The following PKHD1L1 variants were observed in gnomAD, a reference collection of about 807,000 sequenced individuals.
PKHD1L1 encodes PKHD1 like 1, also known as fibrocystin-L.
A neutral mutation model predicts 462.9 loss-of-function variants in PKHD1L1; 434 were observed. The observed-to-expected ratio is 0.94, with a 90% CI of 0.87 to 1.02. The LOEUF (loss-of-function observed/expected upper bound fraction) is 1.02, where lower values mean the gene tolerates loss of function less well. Ranked by LOEUF, PKHD1L1 falls within the 50% of genes least tolerant of loss-of-function variation. The pLI is 0.00. For synonymous variants in PKHD1L1, 1,781 were observed against 1,750.0 expected, an observed-to-expected ratio of 1.02 and a Z score of -0.44; for missense variants, 5,202 against 5,096.1, an observed-to-expected ratio of 1.02 and a Z score of -0.63.
chr8:109,420,619 C>T lies in PKHD1L1; in HGVS notation c.2626C>T (p.Gln876Ter). ...AACAAATGGGCCAACTATGACAAAC[C>T]AATATTCTGTTACCATGACTTCATA... ...TKTNGPTMTN[Q>*]YSVTMTSYNC... is the part of the protein sequence containing the mutation. The change falls in exon 23 of 78, where the codon CAA becomes TAA. Residue 876 changes from glutamine to a stop codon, truncating the protein, a stop_gained. Transcript: ENST00000378402. LOFTEE classifies it high-confidence loss of function. 1 of 1,609,414 alleles carries T rather than the reference C, an allele frequency of 6.2e-7. No individual in the cohort carries two copies. Among genetic ancestry groups the T allele is most frequent in the Non-Finnish European group, 8.5e-7 (1 of 1,177,664 alleles).
intron 72 of PKHD1L1, among the ~76,000 whole-genome samples, chr8:109,517,053 A>T (rs932921580): frequency 2.0e-5 from 3 of 152,156 alleles, no homozygotes; most frequent in African/African-American, 7.2e-5. Context: ...ATATGTATAG[A>T]TCCACAACAC....
At chr8:109,442,855 A>G in intron 35 of PKHD1L1, 91 bp from the exon 36 acceptor site, 1 of 1,240,176 alleles carries the variant, frequency 8.1e-7, no homozygotes, top group Non-Finnish European at 1.2e-6. Flanking sequence ...CTGTATGTGC[A>G]TTTAAATGAT....
rs1470970042 is a variant in PKHD1L1, at chr8:109,464,529, A to G, written c.7697A>G (p.Asn2566Ser). 6.2e-7 allele frequency: 1 copy of G among 1,613,756 alleles called. No individual in the cohort carries two copies. The highest frequency in any genetic ancestry group is 2.2e-5 in the East Asian group (1 of 44,880). ...DVTPAAFWVT[N>S]PNNTIRHNAV... is the part of the protein sequence containing the mutation. ...ACCCCGGCTGCATTTTGGGTCACCAACCCGAACAATACCATACGACACAAT... is the reference window on the plus strand; with the variant it reads ...ACCCCGGCTGCATTTTGGGTCACCAGCCCGAACAATACCATACGACACAAT... Residue 2566 changes from asparagine (N) to serine (S), a missense_variant, in exon 49 of 78, where the codon AAC becomes AGC. By Grantham distance (46) the Asn-to-Ser change is conservative (BLOSUM62 1). Transcript: ENST00000378402.
chr8:109,479,551 T>C lies in PKHD1L1; in HGVS notation c.9090T>C (p.Asn3030=). Residue 3030 remains asparagine, a splice_region_variant and synonymous_variant, in exon 54 of 78, where the codon AAT becomes AAC. Coordinates refer to ENST00000378402, the MANE Select transcript of PKHD1L1 (RefSeq NM_177531.6). Reference sequence around the variant, plus strand: ...GGAAGTATTTCTCTTCTCTTTTCAGTTTATGGTCAAATGATTCTTTTTGGC... The same window carrying C: ...GGAAGTATTTCTCTTCTCTTTTCAGCTTATGGTCAAATGATTCTTTTTGGC... ...PIPKKRPATY[N]LWSNDSFWQS... 2.7e-6 allele frequency: 4 copies of C among 1,491,964 alleles called. No homozygotes were observed. Among genetic ancestry groups the C allele is most frequent in the Non-Finnish European group, 3.7e-6 (4 of 1,083,378 alleles). 92.4% of individuals were successfully genotyped at this position (1,491,964 alleles called of 1,614,324 possible).
chr8:109,394,412 CAGG>C lies in PKHD1L1; in HGVS notation c.741_743del (p.Arg247del). 6 of 1,466,890 alleles carry C rather than the reference CAGG, an allele frequency of 4.1e-6. No individual in the cohort carries two copies. Among genetic ancestry groups the C allele is most frequent in the Non-Finnish European group, 5.5e-6 (6 of 1,096,808 alleles). 90.9% of individuals were successfully genotyped at this position (1,466,890 alleles called of 1,614,324 possible). A position where few individuals can be genotyped will look rare whatever the true frequency, so the allele number is the denominator to read the frequency against. On this transcript the variant is annotated splice_acceptor_variant and coding_sequence_variant, in exon 10 of 78. Transcript: ENST00000378402. LOFTEE classifies it high-confidence loss of function. ...AGCAGAAAATTTAATCTTTTTTTAA[CAGG>C]AGTTTTCCACAGAAAATGGCATATT...
Position 109,452,758 on chromosome 8 carries a change from A to G in PKHD1L1, c.6548A>G (p.Asn2183Ser), listed in dbSNP as rs1311580097. ...DFLYVDAWSS[N>S]FSWGGKSPPE... ...CTTTATGTTGATGCCTGGTCCTCCA[A>G]TTTCTCATGGGGGGGAAAATCTCCC... The change falls in exon 43 of 78, where the codon AAT (asparagine) becomes AGT (serine). Residue 2183 changes from asparagine to serine, a missense_variant. Coordinates refer to ENST00000378402, the MANE Select transcript of PKHD1L1 (RefSeq NM_177531.6). The G allele has an allele frequency of 7.8e-6, 12 of 1,542,032 alleles. No homozygotes were observed. The highest frequency in any genetic ancestry group is 1.3e-5 in the South Asian group (1 of 78,774).
chr8:109,481,583 A>G (rs1818278855), intron 56 of PKHD1L1, 21 bp downstream of exon 56: 2 of 1,536,340 alleles, frequency 1.3e-6, no homozygotes, highest in Non-Finnish European at 1.7e-6. Context: ...ACAGATACCA[A>G]AAGTGTCACA....
At chr8:109,387,459 T>C (rs1006090543) in intron 6 of PKHD1L1, among the ~76,000 whole-genome samples, 3 of 152,216 alleles carry the variant, frequency 2.0e-5, no homozygotes, top group African/African-American at 7.2e-5. Context: ...CGTTATTGTC[T>C]GCAGGCTTGG....
intron 3 of PKHD1L1, 132 bp downstream of exon 3, chr8:109,381,646 T>C: frequency 1.4e-6 from 1 of 693,068 alleles, no homozygotes; most frequent in Non-Finnish European, 2.2e-6. Flanking sequence ...GGTTAGTATT[T>C]TTCATTTTGT....
intron 31 of PKHD1L1, 147 bp downstream of exon 31, chr8:109,438,603 A>G (rs1013088269): frequency 1.4e-5 from 10 of 707,534 alleles, no homozygotes; most frequent in Middle Eastern, 4.1e-4. Context: ...TTTATCATAG[A>G]TTAATCTATT....
intron 21 of PKHD1L1, among the ~76,000 whole-genome samples, chr8:109,415,864 GGTGTGTGTGT>G (rs552265043): frequency 2.9e-4 from 29 of 100,412 alleles, no homozygotes; most frequent in African/African-American, 7.6e-4. Flanking sequence ...AAAAAAAAGG[GGTGTGTGTGT>G]GTGTGTGTGT....
In PKHD1L1 at chr8:109,445,471, G is replaced by A. The variant is rs112881027; in HGVS notation, c.5602G>A (p.Glu1868Lys). 7,746 of 1,613,820 alleles carry A rather than the reference G, an allele frequency of 4.8e-3. 173 individuals carry two copies. The highest frequency in any genetic ancestry group is 0.046 in the African/African-American group (3,482 of 74,994). The change falls in exon 38 of 78, where the codon GAA (glutamate) becomes AAA (lysine). Residue 1868 changes from glutamate (E) to lysine (K), a missense_variant. Around this residue, in one of 3 missense-constraint regions of PKHD1L1, gnomAD observed 4,497 missense variants for 4,336.8 expected, o/e 1.04. Coordinates refer to ENST00000378402, the MANE Select transcript of PKHD1L1 (RefSeq NM_177531.6). ...PGNTTVTIGD[E>K]PCQIISINPN... ...CAACACTACAGTCACTATTGGGGAT[G>A]AACCTTGTCAAATTATTTCCATCAA... is the stretch of plus-strand genomic sequence containing the variant.
At chr8:109,496,770 C>A in intron 63 of PKHD1L1, 149 bp from the exon 64 acceptor site, 1 of 790,546 alleles carries the variant, frequency 1.3e-6, no homozygotes, top group Non-Finnish European at 1.9e-6. Context: ...ATGGCAGAGC[C>A]ATAAAAATAT....
At chr8:109,409,147 TGGAA>T (rs1813709090) in intron 18 of PKHD1L1, among the ~76,000 whole-genome samples, 1 of 152,244 alleles carries the variant, frequency 6.6e-6, no homozygotes, top group East Asian at 1.9e-4. Flanking sequence ...GAAAATGATA[TGGAA>T]ATTTTAGGAG....
In PKHD1L1 at chr8:109,532,418, C is replaced by A. The variant is rs552545178; in HGVS notation, c.*2328C>A. On this transcript the variant is annotated 3_prime_UTR_variant, in exon 78 of 78. Transcript: ENST00000378402. ...CATGGGCAATACATCTTCACATGTC[C>A]CTTATTCATATGCTAAGCAAGTTTT... 1.3e-5 allele frequency among the ~76,000 whole-genome samples: 2 copies of A among 152,140 alleles called. No homozygotes were observed. The highest frequency in any genetic ancestry group is 3.9e-4 in the East Asian group (2 of 5,184).
chr8:109,454,366 G>A (rs963594548), intron 44 of PKHD1L1, 120 bp downstream of exon 44: 3 of 717,462 alleles, frequency 4.2e-6, no homozygotes, highest in Non-Finnish European at 6.5e-6. Flanking sequence ...CTTTGTTTAG[G>A]TCTCTGTTAT....
chr8:109,480,264 T>C (rs777310525), intron 55 of PKHD1L1, 125 bp downstream of exon 55: 15 of 1,019,022 alleles, frequency 1.5e-5, no homozygotes, highest in Non-Finnish European at 2.0e-5. Context: ...CTCTATCCCA[T>C]TAAATGCAAG....
intron 25 of PKHD1L1, among the ~76,000 whole-genome samples, chr8:109,428,571 A>G (rs1335965270): frequency 6.6e-6 from 1 of 152,210 alleles, no homozygotes; most frequent in African/African-American, 2.4e-5. Flanking sequence ...AAAAAAATAC[A>G]TGGCTGGGAA....
At chr8:109,441,012 G>T (rs1243655960) in intron 33 of PKHD1L1, among the ~76,000 whole-genome samples, 160 bp downstream of exon 33, 1 of 152,084 alleles carries the variant, frequency 6.6e-6, no homozygotes, top group African/African-American at 2.4e-5. Flanking sequence ...AAGAGAAACT[G>T]AATAACTACT....
Sources: allele counts gnomAD v4.1 joint callset (sites outside exome capture counted in the v4.1 genomes callset), GRCh38; gene constraint gnomAD v4.1.1; regional missense constraint gnomAD v4.1.1; transcripts MANE v1.5; gene names NCBI Gene and HGNC (gene_info 2026-07-23, HGNC 2026-07-21).